The following CNPY1 variants were observed in gnomAD, a reference collection of about 807,000 sequenced individuals.
CNPY1 encodes protein canopy homolog 1.
A neutral mutation model predicts 14.4 loss-of-function variants in CNPY1; 14 were observed. The ratio of observed to expected loss-of-function variants is 0.97; its 90% CI spans 0.64 to 1.52. The LOEUF is 1.52. Ranked by LOEUF, CNPY1 falls within the 40% of genes most tolerant of loss-of-function variation. The probability of loss-of-function intolerance (pLI) is 0.00; values close to 1 mark genes in which losing one functional copy is unlikely to be tolerated. For synonymous variants in CNPY1, 43 were observed against 46.5 expected, an observed-to-expected ratio of 0.92 and a Z score of 0.31; for missense variants, 129 against 131.5, an observed-to-expected ratio of 0.98 and a Z score of 0.09.
intron 2 of CNPY1, among the ~76,000 whole-genome samples, chr7:155,509,674 T>C (rs1455046980): frequency 6.6e-6 from 1 of 152,076 alleles, no homozygotes; most frequent in African/African-American, 2.4e-5. Flanking sequence ...AGCCGCGCGA[T>C]GGCCCGGGCT....
intron 2 of CNPY1, among the ~76,000 whole-genome samples, chr7:155,527,899 C>A (rs1267249709): frequency 6.6e-6 from 1 of 152,260 alleles, no homozygotes; most frequent in African/African-American, 2.4e-5. Flanking sequence ...CTCCAGGAGC[C>A]TCTCCTGAGG....
At chr7:155,532,132 C>A (rs1796947244) in intron 2 of CNPY1, among the ~76,000 whole-genome samples, 1 of 152,230 alleles carries the variant, frequency 6.6e-6, no homozygotes, top group African/African-American at 2.4e-5. Flanking sequence ...ATGATACTAA[C>A]ATTTAGAGAG....
At chr7:155,519,950 G>A (rs1796687352) in intron 2 of CNPY1, among the ~76,000 whole-genome samples, 1 of 152,082 alleles carries the variant, frequency 6.6e-6, no homozygotes, top group Non-Finnish European at 1.5e-5. Context: ...CTTGACTTTG[G>A]GACATTTGGG....
In CNPY1 at chr7:155,506,800, A is replaced by T; in HGVS notation, c.400+220T>A. 9.6e-6 allele frequency: 5 copies of T among 519,036 alleles called. No individual in the cohort carries two copies. The South Asian group carries it at 1.2e-4, about 12-fold the overall frequency. The allele number at this position is 519,036 out of a possible 1,614,324, so 32.2% of individuals were successfully genotyped here. Reference sequence around the variant, plus strand: ...TTTGAATTCACTTAATATATAGAGGAAAGAAAGTACAAAGAGGAAGGCCAC... The same window carrying T: ...TTTGAATTCACTTAATATATAGAGGTAAGAAAGTACAAAGAGGAAGGCCAC... On this transcript the variant is annotated intron_variant, in intron 4 of 4. Transcript: ENST00000636446.
In CNPY1 at chr7:155,531,145, C is replaced by T. The variant is rs999843075; in HGVS notation, c.99+14686G>A. On this transcript the variant is annotated intron_variant, in intron 2 of 4. Transcript: ENST00000636446. The stretch of plus-strand genomic sequence containing the variant: ...CCAATCTGACTGTCCCCAGACACAA[C>T]CCGCCTAGTTCCCACAGGCATGCGT... Among the ~76,000 whole-genome samples, 3 of 152,228 alleles carry T rather than the reference C, an allele frequency of 2.0e-5. 1 individual carries two copies. The highest frequency in any genetic ancestry group is 6.3e-3 in the Middle Eastern group (2 of 316).
At chr7:155,532,485 G>C (rs1796955851) in intron 2 of CNPY1, among the ~76,000 whole-genome samples, 1 of 151,898 alleles carries the variant, frequency 6.6e-6, no homozygotes, top group Non-Finnish European at 1.5e-5. Flanking sequence ...GCCGGGCACG[G>C]TGGTGGGCGC....
At chr7:155,529,923 C>T (rs563343558) in intron 2 of CNPY1, among the ~76,000 whole-genome samples, 21 of 152,164 alleles carry the variant, frequency 1.4e-4, no homozygotes, top group South Asian at 1.0e-3. Flanking sequence ...ACTGGGATTA[C>T]GGGCGCCTGC....
intron 2 of CNPY1, among the ~76,000 whole-genome samples, chr7:155,538,942 T>A (rs1797054303): frequency 6.6e-6 from 1 of 152,182 alleles, no homozygotes; most frequent in Admixed American, 6.5e-5. Flanking sequence ...AGACCCGGAA[T>A]GCTGATCCAA....
intron 2 of CNPY1, among the ~76,000 whole-genome samples, chr7:155,509,953 G>A (rs1796482643): frequency 6.6e-6 from 1 of 152,214 alleles, no homozygotes; most frequent in Admixed American, 6.5e-5. Context: ...GCGTCCCCGC[G>A]GCTCCTTCCG....
intron 2 of CNPY1, among the ~76,000 whole-genome samples, chr7:155,529,758 A>G (rs1585327137): frequency 6.7e-6 from 1 of 148,310 alleles, no homozygotes. Flanking sequence ...AAATAAGGTC[A>G]CCCTTCAAGT....
chr7:155,520,208 C>A (rs1273926534), intron 2 of CNPY1, among the ~76,000 whole-genome samples: 1 of 152,116 alleles, frequency 6.6e-6, no homozygotes, highest in African/African-American at 2.4e-5. Flanking sequence ...TCTCCCCTCT[C>A]GAAAGAGGAA....
chr7:155,528,842 C>T (rs528712120), intron 2 of CNPY1, among the ~76,000 whole-genome samples: 305 of 152,230 alleles, frequency 2.0e-3, no homozygotes, highest in Non-Finnish European at 3.3e-3. Context: ...GGGCAGATCA[C>T]GAGGTCAGGA....
At position 155,520,300 on chromosome 7, in the gene CNPY1, G is replaced by C. The variant is rs148853075; in HGVS notation, c.100-11203C>G. On this transcript the variant is annotated intron_variant, in intron 2 of 4. Transcript: ENST00000636446. ...CACTTGGAGGCGAGAGCCCATGGTA[G>C]AAGGACAGATAGTGTGAGCTTCGTT... Among the ~76,000 whole-genome samples the C allele has an allele frequency of 1.3e-3, 200 of 152,254 alleles. 1 individual carries two copies. The highest frequency in any genetic ancestry group is 4.6e-3 in the African/African-American group (192 of 41,550).
intron 2 of CNPY1, among the ~76,000 whole-genome samples, chr7:155,526,119 CAA>C (rs955866733): frequency 2.6e-5 from 4 of 152,278 alleles, no homozygotes; most frequent in Admixed American, 2.6e-4. Flanking sequence ...AAAATGCTAT[CAA>C]AATACTTTTG....
chr7:155,525,667 T>C (rs999935222), intron 2 of CNPY1, among the ~76,000 whole-genome samples: 5 of 152,254 alleles, frequency 3.3e-5, no homozygotes, highest in African/African-American at 1.2e-4. Context: ...GCAAAGCTAC[T>C]GTCTGGATAA....
rs527402534 is a variant in CNPY1 at position 155,527,906 on chromosome 7, G to A, written c.99+17925C>T. 6.6e-5 allele frequency among the ~76,000 whole-genome samples: 10 copies of A among 152,322 alleles called. No individual in the cohort carries two copies. In the South Asian group the frequency reaches 1.7e-3, roughly 25 times the overall value. ...GCAGGGATCTCCAGGAGCCTCTCCT[G>A]AGGCGTGGCCCTGGTGGCCCCGAAG... On this transcript the variant is annotated intron_variant, in intron 2 of 4. Transcript: ENST00000636446.
intron 2 of CNPY1, among the ~76,000 whole-genome samples, chr7:155,534,717 G>A (rs1327729542): frequency 1.3e-5 from 2 of 152,226 alleles, no homozygotes; most frequent in Admixed American, 6.5e-5. Context: ...AGGGGCTGGC[G>A]TGGAGACTGG....
chr7:155,527,057 T>TCTTTCTTTCTTTCTTTC (rs1554449558), intron 2 of CNPY1, among the ~76,000 whole-genome samples: 8 of 92,506 alleles, frequency 8.6e-5, no homozygotes, highest in East Asian at 3.5e-4. Context: ...TTTCTTTCTT[T>TCTTTCTTTCTTTCTTTC]TTTTTTTTTT....
intron 2 of CNPY1, among the ~76,000 whole-genome samples, chr7:155,541,199 C>T (rs1450268850): frequency 6.6e-6 from 1 of 152,210 alleles, no homozygotes; most frequent in Non-Finnish European, 1.5e-5. Flanking sequence ...TGAGCCTCCC[C>T]GTTCCCGCTG....
Sources: gnomAD v4.1 joint callset for allele counts (sites outside exome capture counted in the v4.1 genomes callset) on GRCh38, gnomAD v4.1.1 for gene constraint, MANE v1.5 for transcripts, NCBI Gene and HGNC (gene_info 2026-07-23, HGNC 2026-07-21) for gene names.